DNAJC3: variants seen among roughly 807,000 people sequenced by gnomAD.
DNAJC3 encodes the protein dnaJ homolog subfamily C member 3.
In DNAJC3, 38 loss-of-function variants were observed where a neutral mutation model predicts 68.6. That is an observed-to-expected ratio of 0.55 (90% CI 0.43 to 0.73). The LOEUF is 0.73. Among genes scored for constraint, DNAJC3 ranks in the 30% least tolerant of loss-of-function variants. The probability of loss-of-function intolerance (pLI) is 0.00; values close to 1 mark genes in which losing one functional copy is unlikely to be tolerated. For missense variants in DNAJC3, 526 were observed against 591.9 expected (o/e 0.89, Z 1.16); for synonymous variants, 203 against 204.0 (o/e 1.00, Z 0.04).
chr13:95,744,402 A>G (rs912129059), intron 4 of DNAJC3, among the ~76,000 whole-genome samples: 1 of 152,234 alleles, frequency 6.6e-6, no homozygotes, highest in Non-Finnish European at 1.5e-5. Flanking sequence ...TTTAAAAGTT[A>G]TATTAAAACA....
chr13:95,788,083 T>C (rs1388686321), intron 11 of DNAJC3, among the ~76,000 whole-genome samples: 4 of 152,120 alleles, frequency 2.6e-5, no homozygotes, highest in Non-Finnish European at 4.4e-5. Flanking sequence ...TTTCAAGTAA[T>C]TTATAATCCA....
intron 1 of DNAJC3, among the ~76,000 whole-genome samples, chr13:95,683,546 G>A (rs1376598560): frequency 6.6e-6 from 1 of 152,172 alleles, no homozygotes; most frequent in Non-Finnish European, 1.5e-5. Flanking sequence ...CTTTTGCCAT[G>A]ATTGTAAATT....
chr13:95,765,789 C>T (rs1882977706), intron 9 of DNAJC3, among the ~76,000 whole-genome samples: 1 of 152,004 alleles, frequency 6.6e-6, no homozygotes, highest in African/African-American at 2.4e-5. Flanking sequence ...CCAGGCTGGT[C>T]CTGAACTCCT....
intron 2 of DNAJC3, 38 bp from the exon 3 acceptor site, chr13:95,723,204 A>T (rs372923933): frequency 9.1e-6 from 14 of 1,535,456 alleles, no homozygotes; most frequent in Middle Eastern, 3.6e-4. Context: ...TTTATTTTTG[A>T]ATAAATGACT....
chr13:95,762,969 T>C lies in DNAJC3; in HGVS notation c.849-674T>C, dbSNP rs143700712. On this transcript the variant is annotated intron_variant, in intron 7 of 11. Coordinates refer to ENST00000602402, the MANE Select transcript of DNAJC3 (RefSeq NM_006260.5). ...GCCTGTGTTTTAATACATTGGCATA[T>C]TTACATATGAAGATTGTAGCACTTT... is the stretch of plus-strand genomic sequence containing the variant. Among the ~76,000 whole-genome samples, 228 of 152,354 alleles carry C rather than the reference T, an allele frequency of 1.5e-3. 2 individuals carry two copies. The highest frequency in any genetic ancestry group is 2.7e-3 in the Non-Finnish European group (185 of 68,030).
At chr13:95,719,935 G>A (rs1287860844) in intron 2 of DNAJC3, among the ~76,000 whole-genome samples, 3 of 152,044 alleles carry the variant, frequency 2.0e-5, no homozygotes, top group Admixed American at 6.5e-5. Flanking sequence ...TAAATGCTGT[G>A]TAAATAGTTG....
At chr13:95,728,938 C>T (rs930106394) in intron 4 of DNAJC3, among the ~76,000 whole-genome samples, 2 of 152,002 alleles carry the variant, frequency 1.3e-5, no homozygotes, top group Admixed American at 6.6e-5. Flanking sequence ...CTCTTCATCC[C>T]CGCCTCCCAC....
chr13:95,695,710 G>A (rs947695646), intron 1 of DNAJC3: 14 of 152,070 alleles, frequency 9.2e-5, no homozygotes, highest in African/African-American at 3.1e-4. Context: ...AAATGAAACT[G>A]CCCTTGTAGT....
At chr13:95,728,490 C>T (rs1881600758) in intron 4 of DNAJC3, among the ~76,000 whole-genome samples, 1 of 152,048 alleles carries the variant, frequency 6.6e-6, no homozygotes. Flanking sequence ...AATTTCTGTT[C>T]ATGTTTTCTG....
intron 4 of DNAJC3, among the ~76,000 whole-genome samples, chr13:95,733,621 A>G (rs557210066): frequency 6.6e-6 from 1 of 151,568 alleles, no homozygotes; most frequent in African/African-American, 2.4e-5. Context: ...GCTGGTCTCA[A>G]ACTCCTGATC....
At chr13:95,677,409 C>G (rs978461390) in intron 1 of DNAJC3, 72 bp downstream of exon 1, 3 of 1,467,106 alleles carry the variant, frequency 2.0e-6, no homozygotes, top group Non-Finnish European at 1.8e-6. Flanking sequence ...CGTCTGCGCC[C>G]GGGCGCCTGT....
At chr13:95,758,480 A>AG (rs1156309701) in intron 5 of DNAJC3, among the ~76,000 whole-genome samples, 1 of 151,960 alleles carries the variant, frequency 6.6e-6, no homozygotes, top group African/African-American at 2.4e-5. Context: ...TAAAAAAAAA[A>AG]AAAAGAAAAT....
At chr13:95,708,833 T>A (rs958228160) in intron 1 of DNAJC3, among the ~76,000 whole-genome samples, 3 of 152,210 alleles carry the variant, frequency 2.0e-5, no homozygotes, top group Non-Finnish European at 1.5e-5. Flanking sequence ...CCTAAAATAG[T>A]GCCTAGTGCA....
At chr13:95,740,767 G>A (rs901306468) in intron 4 of DNAJC3, among the ~76,000 whole-genome samples, 1 of 152,016 alleles carries the variant, frequency 6.6e-6, no homozygotes, top group Non-Finnish European at 1.5e-5. Flanking sequence ...GAAATCACCC[G>A]TCTTCTGCGT....
At chr13:95,697,282 C>CTTAGT (rs1220864406) in intron 1 of DNAJC3, among the ~76,000 whole-genome samples, 1 of 152,060 alleles carries the variant, frequency 6.6e-6, no homozygotes, top group Non-Finnish European at 1.5e-5. Context: ...GTTTATGAAG[C>CTTAGT]TTAGTTTGGT....
chr13:95,754,239 G>T (rs1227811163), intron 4 of DNAJC3, among the ~76,000 whole-genome samples: 3 of 152,168 alleles, frequency 2.0e-5, no homozygotes, highest in Non-Finnish European at 4.4e-5. Context: ...AGCTGGCAGG[G>T]TTTAGTTCCT....
At chr13:95,739,363 G>A (rs1206421985) in intron 4 of DNAJC3, among the ~76,000 whole-genome samples, 4 of 150,880 alleles carry the variant, frequency 2.7e-5, no homozygotes, top group South Asian at 2.1e-4. Context: ...GAATCTGAAC[G>A]TTGGCCTGCC....
intron 9 of DNAJC3, among the ~76,000 whole-genome samples, chr13:95,767,984 C>T (rs927796633): frequency 2.0e-5 from 3 of 152,006 alleles, no homozygotes; most frequent in African/African-American, 7.2e-5. Context: ...GGATTACAGG[C>T]GTGAGCTACA....
At chr13:95,742,615 C>T in intron 4 of DNAJC3, 1 of 500,644 alleles carries the variant, frequency 2.0e-6, no homozygotes, top group South Asian at 1.4e-5. Flanking sequence ...CCTCACTTCT[C>T]TCTTCTTCTT....
Sources: allele counts gnomAD v4.1 joint callset (sites outside exome capture counted in the v4.1 genomes callset), GRCh38; gene constraint gnomAD v4.1.1; transcripts MANE v1.5; gene names NCBI Gene and HGNC (gene_info 2026-07-23, HGNC 2026-07-21).